Variants in SPATA33 observed in about 807,000 individuals in gnomAD.
SPATA33 encodes the protein spermatogenesis associated 33.
SPATA33 carries 10 observed loss-of-function variants against 8.9 expected under a neutral mutation model. That is an observed-to-expected ratio of 1.12 (90% CI 0.69 to 1.90). The LOEUF (loss-of-function observed/expected upper bound fraction) is 1.90, where lower values mean the gene tolerates loss of function less well. Among genes scored for constraint, SPATA33 ranks in the 40% most tolerant of loss-of-function variants. The probability of loss-of-function intolerance (pLI) is 0.00; values close to 1 mark genes in which losing one functional copy is unlikely to be tolerated. For synonymous variants in SPATA33, 96 were observed against 72.8 expected, an observed-to-expected ratio of 1.32 and a Z score of -1.63; for missense variants, 241 against 178.3, an observed-to-expected ratio of 1.35 and a Z score of -2.00.
At chr16:89,660,037 C>T (rs1013249979) in intron 2 of SPATA33, 2 of 153,032 alleles carry the variant, frequency 1.3e-5, no homozygotes, top group African/African-American at 4.8e-5. Context: ...CAGAAAAGCT[C>T]ACTAAACGCA....
intron 2 of SPATA33, among the ~76,000 whole-genome samples, chr16:89,666,553 G>A (rs941822387): frequency 6.6e-6 from 1 of 152,088 alleles, no homozygotes; most frequent in Non-Finnish European, 1.5e-5. Context: ...AGCCCCACAG[G>A]GTCGGTGGGT....
At chr16:89,664,724 C>T (rs557445934) in intron 2 of SPATA33, among the ~76,000 whole-genome samples, 51 of 152,240 alleles carry the variant, frequency 3.3e-4, no homozygotes, top group African/African-American at 1.1e-3. Context: ...TTTAGGGCAG[C>T]GAGAAAACGG....
chr16:89,658,720 A>G (rs978789367), intron 2 of SPATA33: 4 of 436,630 alleles, frequency 9.2e-6, no homozygotes, highest in Non-Finnish European at 1.7e-5. Flanking sequence ...AGGGCTGGGT[A>G]TCTTGGTGCC....
chr16:89,658,216 C>T (rs754363226), intron 1 of SPATA33, 32 bp from the exon 2 acceptor site: 4 of 1,612,868 alleles, frequency 2.5e-6, no homozygotes, highest in Middle Eastern at 1.7e-4. Flanking sequence ...TTCGGTAAGT[C>T]CCGGGTCTAA....
At chr16:89,659,780 C>T (rs552043422) in intron 2 of SPATA33, 5 of 152,322 alleles carry the variant, frequency 3.3e-5, no homozygotes, top group African/African-American at 1.2e-4. Flanking sequence ...GGAGCTGGGC[C>T]TGGACTGCTT....
At chr16:89,662,510 G>A (rs549480313) in intron 2 of SPATA33, among the ~76,000 whole-genome samples, 2 of 151,218 alleles carry the variant, frequency 1.3e-5, no homozygotes, top group South Asian at 2.1e-4. Context: ...TGTAGCCTCC[G>A]CCTCCCAAGT....
chr16:89,667,810 G>A (rs1261864905), intron 2 of SPATA33, among the ~76,000 whole-genome samples: 3 of 152,194 alleles, frequency 2.0e-5, no homozygotes, highest in East Asian at 1.9e-4. Flanking sequence ...TTAGGCAGGC[G>A]ACTTGGCCTC....
chr16:89,663,828 C>T (rs1054728518), intron 2 of SPATA33, among the ~76,000 whole-genome samples: 2 of 152,112 alleles, frequency 1.3e-5, no homozygotes, highest in Non-Finnish European at 2.9e-5. Context: ...ATAAAACGTT[C>T]GCTTTGGGAG....
intron 2 of SPATA33, among the ~76,000 whole-genome samples, chr16:89,668,758 T>A (rs2060059531): frequency 6.6e-6 from 1 of 152,362 alleles, no homozygotes; most frequent in South Asian, 2.1e-4. Context: ...AGGAGCACTT[T>A]TGCTTTGTAC....
chr16:89,669,183 C>G, intron 2 of SPATA33, 103 bp from the exon 3 acceptor site: 1 of 1,080,064 alleles, frequency 9.3e-7, no homozygotes, highest in Non-Finnish European at 1.4e-6. Flanking sequence ...TTCTGCTAAC[C>G]ATACATCTTA....
Position 89,670,035 on chromosome 16 carries a change from G to A in SPATA33, c.*538G>A, listed in dbSNP as rs1461908471. The A allele has an allele frequency of 7.1e-5, 10 of 140,504 alleles. No homozygotes were observed. Among genetic ancestry groups the A allele is most frequent in the Non-Finnish European group, 1.3e-4 (9 of 67,100 alleles). The allele number at this position is 140,504 out of a possible 1,614,324, so 8.7% of individuals were successfully genotyped here. ...GCCCCTTCTCCAGTGCTTTTGGGGA[G>A]GGTGCACCAGGGCCACCCCACCCTG... is the stretch of plus-strand genomic sequence containing the variant. On this transcript the variant is annotated 3_prime_UTR_variant, in exon 3 of 3. Transcript: ENST00000579310.
chr16:89,669,237 A>G, intron 2 of SPATA33, 49 bp from the exon 3 acceptor site: 1 of 1,557,686 alleles, frequency 6.4e-7, no homozygotes, highest in Non-Finnish European at 8.9e-7. Context: ...TGCATCGTGG[A>G]AGGAGCTTTC....
At chr16:89,667,150 A>G (rs1187969588) in intron 2 of SPATA33, among the ~76,000 whole-genome samples, 5 of 152,288 alleles carry the variant, frequency 3.3e-5, no homozygotes, top group Non-Finnish European at 5.9e-5. Context: ...CACTGACGCT[A>G]CTGCTAGACC....
At chr16:89,667,386 A>T (rs1460829495) in intron 2 of SPATA33, among the ~76,000 whole-genome samples, 1 of 152,152 alleles carries the variant, frequency 6.6e-6, no homozygotes, top group African/African-American at 2.4e-5. Context: ...AATTGCTACA[A>T]ATTAATTAAT....
intron 2 of SPATA33, chr16:89,660,413 A>G: frequency 8.4e-7 from 1 of 1,194,064 alleles, no homozygotes; most frequent in Non-Finnish European, 1.0e-6. Context: ...GCCTGTTGGA[A>G]GGGCCCCAGC....
At position 89,669,392 on chromosome 16, in the gene SPATA33, G is replaced by C; in HGVS notation, c.318G>C (p.Gly106=). 1 of 1,614,194 alleles carries C rather than the reference G, an allele frequency of 6.2e-7. No homozygotes were observed. Among genetic ancestry groups the C allele is most frequent in the Non-Finnish European group, 8.5e-7 (1 of 1,180,046 alleles). ...NETLVSCSSS[G]SDQQRTIREP... ...CGCTAGTCAGTTGCAGTTCCAGCGG[G>C]AGTGACCAGCAGAGAACCATTCGGG... Residue 106 remains glycine (G), a synonymous_variant, in exon 3 of 3, where the codon GGG becomes GGC. Coordinates refer to ENST00000579310, the MANE Select transcript of SPATA33 (RefSeq NM_001271907.2).
At chr16:89,660,915 C>T in intron 2 of SPATA33, 9 of 1,037,244 alleles carry the variant, frequency 8.7e-6, no homozygotes, top group Non-Finnish European at 1.0e-5. Flanking sequence ...AACCTTGAGT[C>T]TTCTCAGCTT....
At chr16:89,659,157 A>C (rs1186575426) in intron 2 of SPATA33, 2 of 152,220 alleles carry the variant, frequency 1.3e-5, no homozygotes, top group Admixed American at 1.3e-4. Context: ...ATTTAAAAAT[A>C]AAAAACAAGG....
At chr16:89,662,714 A>C (rs1465799953) in intron 2 of SPATA33, among the ~76,000 whole-genome samples, 1 of 152,014 alleles carries the variant, frequency 6.6e-6, no homozygotes, top group African/African-American at 2.4e-5. Context: ...GGCGTGAGCC[A>C]CCGCACCTGG....
Sources: allele counts gnomAD v4.1 joint callset (sites outside exome capture counted in the v4.1 genomes callset), GRCh38; gene constraint gnomAD v4.1.1; transcripts MANE v1.5; gene names NCBI Gene and HGNC (gene_info 2026-07-23, HGNC 2026-07-21).